Variants in DGKB observed in about 807,000 individuals in gnomAD.
DGKB encodes 90 kDa diacylglycerol kinase.
In DGKB, 67 loss-of-function variants were observed where a neutral mutation model predicts 114.3. That is an observed-to-expected ratio of 0.59 (90% CI 0.48 to 0.72). The LOEUF is 0.72. DGKB is among the 30% of genes least tolerant of loss of function. The probability of loss-of-function intolerance (pLI) is 0.00; values close to 1 mark genes in which losing one functional copy is unlikely to be tolerated. For missense variants in DGKB, 907 were observed against 975.2 expected (o/e 0.93, Z 0.93); for synonymous variants, 398 against 323.1 (o/e 1.23, Z -2.49).
intron 23 of DGKB, among the ~76,000 whole-genome samples, chr7:14,313,816 A>G (rs1387818592): frequency 6.6e-6 from 1 of 152,090 alleles, no homozygotes; most frequent in Admixed American, 6.5e-5. Context: ...TGTAGGCTCC[A>G]CCTCTGGGGG....
chr7:14,503,146 AAT>A (rs1230711312), intron 20 of DGKB, among the ~76,000 whole-genome samples: 4 of 152,136 alleles, frequency 2.6e-5, no homozygotes, highest in African/African-American at 2.4e-5. Flanking sequence ...TTGCTCAAAA[AAT>A]ATGTTTCTTA....
At chr7:14,318,679 A>C (rs1356812108) in intron 23 of DGKB, among the ~76,000 whole-genome samples, 5 of 152,122 alleles carry the variant, frequency 3.3e-5, no homozygotes, top group Non-Finnish European at 7.4e-5. Context: ...ACACTTTTAC[A>C]CTGTTGGTGG....
chr7:14,700,608 T>C (rs1825001207), intron 7 of DGKB, among the ~76,000 whole-genome samples: 2 of 152,276 alleles, frequency 1.3e-5, no homozygotes, highest in Admixed American at 6.5e-5. Context: ...GTAGGAGTTA[T>C]ATATTTTAAT....
intron 23 of DGKB, among the ~76,000 whole-genome samples, chr7:14,181,834 T>G (rs1226270003): frequency 1.3e-5 from 2 of 152,236 alleles, no homozygotes; most frequent in Non-Finnish European, 2.9e-5. Flanking sequence ...TTATATGTCT[T>G]TTTAAATACC....
intron 17 of DGKB, among the ~76,000 whole-genome samples, chr7:14,586,327 A>AGGTCTTCTAC (rs1334788582): frequency 6.6e-6 from 1 of 151,474 alleles, no homozygotes; most frequent in Non-Finnish European, 1.5e-5. Flanking sequence ...AGCTAAAGCC[A>AGGTCTTCTAC]AGTCCAGAGC....
chr7:14,783,090 G>C (rs1443674434), intron 2 of DGKB, among the ~76,000 whole-genome samples: 2 of 152,106 alleles, frequency 1.3e-5, no homozygotes, highest in South Asian at 4.1e-4. Context: ...TATTATCTAA[G>C]TCTTCCATAA....
chr7:14,806,019 G>A (rs563436109), intron 2 of DGKB, among the ~76,000 whole-genome samples: 1 of 151,422 alleles, frequency 6.6e-6, no homozygotes, highest in African/African-American at 2.4e-5. Flanking sequence ...TATATTCTAG[G>A]ATATTAAGAT....
intron 19 of DGKB, among the ~76,000 whole-genome samples, chr7:14,577,907 A>T (rs1336499128): frequency 6.6e-6 from 1 of 152,236 alleles, no homozygotes; most frequent in African/African-American, 2.4e-5. Flanking sequence ...AATATTAAGC[A>T]TAATAATAAT....
At chr7:14,903,914 T>A (rs1484990716), upstream of DGKB, among the ~76,000 whole-genome samples, 1 of 152,168 alleles carries the variant, frequency 6.6e-6, no homozygotes, top group Admixed American at 6.5e-5. Flanking sequence ...TCTTAACTTA[T>A]CTATATAATA....
intron 2 of DGKB, among the ~76,000 whole-genome samples, chr7:14,790,475 G>T (rs1191587040): frequency 6.8e-6 from 1 of 147,970 alleles, no homozygotes; most frequent in Non-Finnish European, 1.5e-5. Flanking sequence ...TTTTTCTGAG[G>T]TGCACAATTT....
At chr7:14,920,411 G>A (rs1374781980) in intron 1 of DGKB, among the ~76,000 whole-genome samples, 4 of 152,140 alleles carry the variant, frequency 2.6e-5, no homozygotes, top group Non-Finnish European at 5.9e-5. Flanking sequence ...AACATCATAT[G>A]TTATTAGGTA....
intron 21 of DGKB, among the ~76,000 whole-genome samples, chr7:14,474,564 T>A (rs1781885245): frequency 6.6e-6 from 1 of 152,132 alleles, no homozygotes; most frequent in African/African-American, 2.4e-5. Flanking sequence ...CTTTGCATGT[T>A]TTTCTAAAAT....
intron 9 of DGKB, 90 bp from the exon 10 acceptor site, chr7:14,685,452 C>T: frequency 1.1e-6 from 1 of 886,320 alleles, no homozygotes; most frequent in Non-Finnish European, 1.8e-6. Flanking sequence ...TGGACTGAAG[C>T]ATGTGAAGAC....
At chr7:14,702,358 G>A (rs1397304049) in intron 6 of DGKB, among the ~76,000 whole-genome samples, 1 of 152,122 alleles carries the variant, frequency 6.6e-6, no homozygotes, top group African/African-American at 2.4e-5. Context: ...TCTTTCTGAT[G>A]GAGGAAGCCA....
intron 9 of DGKB, 91 bp from the exon 10 acceptor site, chr7:14,685,453 ATG>A (rs1821520725): frequency 1.1e-6 from 1 of 887,868 alleles, no homozygotes; most frequent in Non-Finnish European, 1.8e-6. Flanking sequence ...GGACTGAAGC[ATG>A]TGAAGACAAT....
chr7:14,535,282 T>C (rs1008629606), intron 20 of DGKB, among the ~76,000 whole-genome samples: 5 of 151,704 alleles, frequency 3.3e-5, no homozygotes, highest in Admixed American at 6.6e-5. Context: ...GGCAGCAGGA[T>C]TGCTTGAGCC....
intron 2 of DGKB, among the ~76,000 whole-genome samples, chr7:14,823,982 G>C (rs1479607351): frequency 6.6e-6 from 1 of 152,130 alleles, no homozygotes; most frequent in Non-Finnish European, 1.5e-5. Context: ...ACATGGCTGG[G>C]GAAGCCTCAC....
intron 21 of DGKB, among the ~76,000 whole-genome samples, chr7:14,369,480 G>C (rs186380236): frequency 6.6e-6 from 1 of 152,134 alleles, no homozygotes; most frequent in East Asian, 1.9e-4. Flanking sequence ...GTTCTAGATC[G>C]TTGAGGAATT....
chr7:14,263,223 T>C (rs762737354), intron 23 of DGKB, among the ~76,000 whole-genome samples: 32 of 152,214 alleles, frequency 2.1e-4, no homozygotes, highest in Non-Finnish European at 4.3e-4. Context: ...TTTGCAACCC[T>C]ACAACAGCAG....
Sources: gnomAD v4.1 joint callset for allele counts (sites outside exome capture counted in the v4.1 genomes callset) on GRCh38, gnomAD v4.1.1 for gene constraint, MANE v1.5 for transcripts, NCBI Gene and HGNC (gene_info 2026-07-23, HGNC 2026-07-21) for gene names.